DMBT1: variants seen among roughly 807,000 people sequenced by gnomAD.
DMBT1 encodes the protein deleted in malignant brain tumors 1.
Under a neutral mutation model 252.9 loss-of-function variants are expected in DMBT1, and 198 were observed. The observed-to-expected ratio is 0.78, with a 90% confidence interval of 0.70 to 0.88. The LOEUF is 0.88. Ranked by LOEUF, DMBT1 falls within the 40% of genes least tolerant of loss-of-function variation. The pLI is 0.00. For synonymous variants in DMBT1, 990 were observed against 942.7 expected, an observed-to-expected ratio of 1.05 and a Z score of -0.92; for missense variants, 2,432 against 2,404.7, an observed-to-expected ratio of 1.01 and a Z score of -0.24.
intron 9 of DMBT1, among the ~76,000 whole-genome samples, chr10:122,579,040 A>T (rs572526664): frequency 6.6e-6 from 1 of 152,052 alleles, no homozygotes; most frequent in East Asian, 1.9e-4. Flanking sequence ...GGTAGGGAGG[A>T]AGCTGGAGTC....
At position 122,640,058 on chromosome 10, in the gene DMBT1, G is replaced by A. The variant is rs759806458; in HGVS notation, c.6961G>A (p.Asp2321Asn). 2 of 1,613,774 alleles carry A rather than the reference G, an allele frequency of 1.2e-6. No individual in the cohort carries two copies. Among genetic ancestry groups the A allele is most frequent in the Admixed American group, 1.7e-5 (1 of 60,018 alleles). ...CTCCTAGGCAGACAATGACACCATC[G>A]ACTATTCCAACTTCCTCACAGCAGC... ...TFKQADNDTI[D>N]YSNFLTAAVS... is the part of the protein sequence containing the mutation. Residue 2321 changes from aspartate to asparagine, a missense_variant, in exon 55 of 56, where the codon GAC (aspartate) becomes AAC (asparagine). Transcript: ENST00000338354.
In DMBT1 at chr10:122,598,633, A is replaced by G. The variant is rs530190099; in HGVS notation, c.2957-141A>G. Reference sequence around the variant, plus strand: ...GCTTCTTTGACTTTGATGAAGCTGAATCTCTGATTTTATTCATATTCAAAG... The same window carrying G: ...GCTTCTTTGACTTTGATGAAGCTGAGTCTCTGATTTTATTCATATTCAAAG... On this transcript the variant is annotated intron_variant, in intron 25 of 55. Transcript: ENST00000338354. 5.9e-6 allele frequency: 9 copies of G among 1,530,446 alleles called. 1 individual carries two copies. The East Asian group carries it at 2.0e-4, about 35-fold the overall frequency. The allele number at this position is 1,530,446 out of a possible 1,614,324, so 94.8% of individuals were successfully genotyped here.
rs148017393 is a variant in DMBT1, at chr10:122,573,711, G to A, written c.236-4G>A. ...AATGAGCTCTTCCTTTCTCCACCCT[G>A]CAGGTTCTCTGATTCCCTCAGAGTC... On this transcript the variant is annotated splice_region_variant and splice_polypyrimidine_tract_variant and intron_variant, in intron 5 of 55. Transcript: ENST00000338354. The A allele has an allele frequency of 1.9e-6, 3 of 1,613,888 alleles. No homozygotes were observed. In the African/African-American group the frequency reaches 4.0e-5, roughly 22 times the overall value.
At chr10:122,591,176 A>C (rs1176612914) in intron 18 of DMBT1, among the ~76,000 whole-genome samples, 1 of 148,786 alleles carries the variant, frequency 6.7e-6, no homozygotes, top group Non-Finnish European at 1.5e-5. Flanking sequence ...TGAGAGGCTC[A>C]GCATTGGTGT....
intron 41 of DMBT1, 125 bp downstream of exon 41, chr10:122,618,465 T>C: frequency 6.6e-7 from 1 of 1,518,114 alleles, no homozygotes; most frequent in Non-Finnish European, 8.8e-7. Context: ...TGAAGTCTTG[T>C]TAGCTCTCTG....
At position 122,585,176 on chromosome 10, in the gene DMBT1, A is replaced by G. The variant is rs2097778791; in HGVS notation, c.1421-95A>G. On this transcript the variant is annotated intron_variant, in intron 14 of 55. Coordinates refer to ENST00000338354, the MANE Select transcript of DMBT1 (RefSeq NM_001377530.1). ...AAGTGGCAGGAATCAGAAGTGGGGT[A>G]GTTTTCATGATGCTCGCCTTCTCCG... 6.2e-6 allele frequency: 9 copies of G among 1,447,216 alleles called. 1 individual carries two copies. Among genetic ancestry groups the G allele is most frequent in the African/African-American group, 1.4e-5 (1 of 73,188 alleles). 89.6% of individuals were successfully genotyped at this position (1,447,216 alleles called of 1,614,324 possible). A position where few individuals can be genotyped will look rare whatever the true frequency, so the allele number is the denominator to read the frequency against.
At chr10:122,630,614 C>A in intron 48 of DMBT1, 124 bp downstream of exon 48, 13 of 1,041,528 alleles carry the variant, frequency 1.2e-5, no homozygotes, top group Non-Finnish European at 1.7e-5. Context: ...CATTCTCTTT[C>A]TCTTGGCACT....
At chr10:122,617,393 A>C (rs1242298216) in intron 40 of DMBT1, 133 bp downstream of exon 40, 1 of 1,147,872 alleles carries the variant, frequency 8.7e-7, no homozygotes, top group Non-Finnish European at 1.3e-6. Context: ...AGGAAGGTGG[A>C]GTTTCTAGGG....
chr10:122,625,807 G>A (rs1370882556), intron 45 of DMBT1, 126 bp from the exon 46 acceptor site: 4 of 800,218 alleles, frequency 5.0e-6, no homozygotes, highest in Admixed American at 1.9e-5. Flanking sequence ...AGTGTAAACT[G>A]GAATGGTCAA....
At chr10:122,621,484 T>C in intron 44 of DMBT1, 104 bp downstream of exon 44, 1 of 1,549,726 alleles carries the variant, frequency 6.5e-7, no homozygotes, top group Non-Finnish European at 8.7e-7. Context: ...CTCCTGTGTT[T>C]CCTGTGTTTT....
intron 26 of DMBT1, 64 bp downstream of exon 26, chr10:122,599,161 A>G (rs1220014812): frequency 7.4e-6 from 12 of 1,611,500 alleles, no homozygotes. Flanking sequence ...GAAACTCCTA[A>G]TTACATTCTG....
rs1301299015 is a variant in DMBT1, at chr10:122,629,953, A to G, written c.5782A>G (p.Asn1928Asp). The G allele has an allele frequency of 1.9e-6, 3 of 1,613,982 alleles. No homozygotes were observed. Among genetic ancestry groups the G allele is most frequent in the Non-Finnish European group, 1.7e-6 (2 of 1,179,900 alleles). ...TAAGTGTGTTTGGGAAATAGAAGTG[A>G]ATTCTGGTTATCGCATAAACCTGGG... Reference protein sequence around the residue: ...NAKCVWEIEVNSGYRINLGFS... With the variant: ...NAKCVWEIEVDSGYRINLGFS... Residue 1928 changes from asparagine (N) to aspartate (D), a missense_variant, in exon 47 of 56, where the codon AAT becomes GAT. Transcript: ENST00000338354.
In DMBT1 at chr10:122,591,498, G is replaced by C. The variant is rs181876433; in HGVS notation, c.2157G>C (p.Thr719=). Residue 719 remains threonine, a synonymous_variant, in exon 19 of 56, where the codon ACG becomes ACC. Transcript: ENST00000338354. ...TTACAGACACGTTGTCGACCATCAC[G>C]TTACCTCCATCGACAGTAGGTAAAT... The part of the protein sequence containing the change: ...TPRPDTLSTI[T]LPPSTVGSES... The C allele has an allele frequency of 8.2e-6, 13 of 1,587,208 alleles. 1 individual carries two copies. In the South Asian group the frequency reaches 1.5e-4, roughly 18 times the overall value.
chr10:122,566,965 T>C (rs1443390890), intron 2 of DMBT1, among the ~76,000 whole-genome samples: 1 of 152,202 alleles, frequency 6.6e-6, no homozygotes, highest in African/African-American at 2.4e-5. Flanking sequence ...TGCCTCCTCT[T>C]ACCCCTGCCC....
At chr10:122,632,836 C>G (rs1248438218) in intron 50 of DMBT1, 25 bp from the exon 51 acceptor site, 1 of 1,612,926 alleles carries the variant, frequency 6.2e-7, no homozygotes, top group Non-Finnish European at 8.5e-7. Context: ...GAAAACTGAT[C>G]CTGATCTTTT....
rs2097749859 is a variant in DMBT1, at chr10:122,579,747, C to T, written c.849C>T (p.Ala283=). 2 of 1,613,766 alleles carry T rather than the reference C, an allele frequency of 1.2e-6. No individual in the cohort carries two copies. Among genetic ancestry groups the T allele is most frequent in the Non-Finnish European group, 1.7e-6 (2 of 1,179,760 alleles). The change falls in exon 10 of 56, where the codon GCC becomes GCT. Residue 283 remains alanine, a synonymous_variant. Transcript: ENST00000338354. ...RQLGCGWAMS[A]PGNAQFGQGS... is the part of the protein sequence containing the mutation. ...TGGGCTGTGGCTGGGCCATGTCAGC[C>T]CCAGGAAATGCCCAGTTTGGCCAGG...
rs774686465 is a variant in DMBT1 at position 122,598,748 on chromosome 10, T to A, written c.2957-26T>A. On this transcript the variant is annotated intron_variant, in intron 25 of 55. Transcript: ENST00000338354. ...TTCCTGACCTCATGATAGGGATGGATGAAGGATTCTTGTGTTCCCCTGTAG... is the reference window on the plus strand; with the variant it reads ...TTCCTGACCTCATGATAGGGATGGAAGAAGGATTCTTGTGTTCCCCTGTAG... 5 of 1,612,428 alleles carry A rather than the reference T, an allele frequency of 3.1e-6. No individual in the cohort carries two copies. In the South Asian group the frequency reaches 5.5e-5, roughly 18 times the overall value.
rs150317847 is a variant in DMBT1, at chr10:122,623,682, G to A, written c.5609-1595G>A. Among the ~76,000 whole-genome samples the A allele has an allele frequency of 2.0e-5, 3 of 152,268 alleles. No homozygotes were observed. In the East Asian group the frequency reaches 5.8e-4, roughly 29 times the overall value. On this transcript the variant is annotated intron_variant, in intron 44 of 55. Transcript: ENST00000338354. ...GTTGAGCATCTTTTCATGTGTTGGT[G>A]GGCCCTTTGTATATATTCTTGGGAG...
Position 122,637,124 on chromosome 10 carries a change from T to C in DMBT1, c.6758-4T>C. 6.2e-7 allele frequency: 1 copy of C among 1,613,322 alleles called. No homozygotes were observed. The highest frequency in any genetic ancestry group is 8.5e-7 in the Non-Finnish European group (1 of 1,179,568). On this transcript the variant is annotated splice_polypyrimidine_tract_variant and splice_region_variant and intron_variant, in intron 53 of 55. Transcript: ENST00000338354. ...TGAGTGCCTTATCTGTCCTTGTCTATCAGACCTGCTCTGTCTGCCAAATCA... is the reference window on the plus strand; with the variant it reads ...TGAGTGCCTTATCTGTCCTTGTCTACCAGACCTGCTCTGTCTGCCAAATCA...
Sources: gnomAD v4.1 joint callset for allele counts (sites outside exome capture counted in the v4.1 genomes callset) on GRCh38, gnomAD v4.1.1 for gene constraint, MANE v1.5 for transcripts, NCBI Gene and HGNC (gene_info 2026-07-23, HGNC 2026-07-21) for gene names.